The following ACBD6 variants were observed in gnomAD, a reference collection of about 807,000 sequenced individuals.
ACBD6 encodes acyl-CoA binding domain containing 6, also known as acyl-CoA-binding domain-containing protein 6.
ACBD6 carries 28 observed loss-of-function variants against 37.2 expected under a neutral mutation model. The observed-to-expected ratio is 0.75, with a 90% CI of 0.56 to 1.03. The LOEUF (loss-of-function observed/expected upper bound fraction) is 1.03, where lower values mean the gene tolerates loss of function less well. Among genes scored for constraint, ACBD6 ranks in the 50% least tolerant of loss-of-function variants. ACBD6 has a pLI of 0.00. For missense variants in ACBD6, 340 were observed against 337.4 expected, an observed-to-expected ratio of 1.01 and a Z score of -0.06; for synonymous variants, 113 against 126.8, an observed-to-expected ratio of 0.89 and a Z score of 0.73.
At chr1:180,500,418 C>T (rs886465918) in intron 1 of ACBD6, among the ~76,000 whole-genome samples, 1 of 152,048 alleles carries the variant, frequency 6.6e-6, no homozygotes, top group Non-Finnish European at 1.5e-5. Context: ...GTTGGCGGGG[C>T]GTGGTGGCTC....
chr1:180,338,791 G>A (rs1294437044), intron 6 of ACBD6, among the ~76,000 whole-genome samples: 1 of 151,954 alleles, frequency 6.6e-6, no homozygotes, highest in East Asian at 1.9e-4. Context: ...TCTGACAAAG[G>A]GTTAATATCC....
intron 6 of ACBD6, among the ~76,000 whole-genome samples, chr1:180,365,666 G>A (rs1395792478): frequency 2.6e-5 from 4 of 152,068 alleles, no homozygotes; most frequent in Non-Finnish European, 4.4e-5. Context: ...TGCTTTGTAA[G>A]AGCAACACTA....
chr1:180,365,364 T>C (rs1252275918), intron 6 of ACBD6, among the ~76,000 whole-genome samples: 1 of 152,170 alleles, frequency 6.6e-6, no homozygotes, highest in Non-Finnish European at 1.5e-5. Flanking sequence ...TAATTATAAA[T>C]AAATTGTGGA....
In ACBD6 at chr1:180,459,967, CTTTTTTTTTT is replaced by C. The variant is rs67323272; in HGVS notation, c.385-29715_385-29706del. Among the ~76,000 whole-genome samples, 1,036 of 107,980 alleles carry C rather than the reference CTTTTTTTTTT, an allele frequency of 9.6e-3. 13 individuals are homozygous for C. The highest frequency in any genetic ancestry group is 0.031 in the African/African-American group (970 of 30,848). 70.8% of individuals were successfully genotyped at this position (107,980 alleles called of 152,430 possible). On this transcript the variant is annotated intron_variant, in intron 3 of 7. Coordinates refer to ENST00000367595, the MANE Select transcript of ACBD6 (RefSeq NM_032360.4). ...CTACAAAAGCATGACCAGACTGCTT[CTTTTTTTTTT>C]TTTTTTTTTTTTTTTAATTATACTT...
chr1:180,293,074 C>G (rs559111759), intron 7 of ACBD6, among the ~76,000 whole-genome samples: 1 of 152,320 alleles, frequency 6.6e-6, no homozygotes, highest in South Asian at 2.1e-4. Flanking sequence ...GATAAACACA[C>G]TTGCACAAAA....
At chr1:180,501,404 A>G (rs1273259939) in intron 1 of ACBD6, among the ~76,000 whole-genome samples, 2 of 152,242 alleles carry the variant, frequency 1.3e-5, no homozygotes, top group African/African-American at 4.8e-5. Context: ...GCTGGAGTGC[A>G]ATGGCGCACA....
At chr1:180,484,712 G>A (rs570871729) in intron 3 of ACBD6, among the ~76,000 whole-genome samples, 1 of 152,216 alleles carries the variant, frequency 6.6e-6, no homozygotes, top group East Asian at 1.9e-4. Flanking sequence ...TATTCAACAT[G>A]TGTATCTACG....
chr1:180,298,794 G>C (rs1438241373), intron 7 of ACBD6, among the ~76,000 whole-genome samples: 2 of 152,188 alleles, frequency 1.3e-5, no homozygotes, highest in African/African-American at 4.8e-5. Context: ...ATGCCTGGGA[G>C]TTATGCAAAG....
intron 6 of ACBD6, among the ~76,000 whole-genome samples, chr1:180,382,053 T>C (rs1653674208): frequency 6.7e-6 from 1 of 149,478 alleles, no homozygotes; most frequent in African/African-American, 2.5e-5. Context: ...AGGCAGAGGT[T>C]GCAGTGAGCC....
intron 3 of ACBD6, chr1:180,434,861 G>T (rs141931986): frequency 1.6e-4 from 123 of 754,778 alleles, no homozygotes; most frequent in South Asian, 3.1e-4. Flanking sequence ...TTCACCAAGG[G>T]TTATGGATTT....
intron 4 of ACBD6, among the ~76,000 whole-genome samples, chr1:180,418,102 T>C (rs1261160132): frequency 2.0e-5 from 3 of 151,994 alleles, no homozygotes; most frequent in Non-Finnish European, 4.4e-5. Flanking sequence ...AATATAATTT[T>C]TATATAATCT....
intron 7 of ACBD6, among the ~76,000 whole-genome samples, chr1:180,289,573 T>C (rs1649621541): frequency 6.6e-6 from 1 of 152,200 alleles, no homozygotes; most frequent in Non-Finnish European, 1.5e-5. Context: ...CCCTCCAACC[T>C]AGTAATTCTA....
In ACBD6 at chr1:180,300,094, C is replaced by T. The variant is rs1292952323; in HGVS notation, c.695-11577G>A. ...GCTTAAGGATGGAGTTTGACAACTG[C>T]TATAATCAGAAGAGCTGTCAACACA... On this transcript the variant is annotated intron_variant, in intron 7 of 7. Transcript: ENST00000367595. Among the ~76,000 whole-genome samples the T allele has an allele frequency of 2.6e-5, 4 of 152,194 alleles. No homozygotes were observed. The East Asian group carries it at 7.7e-4, about 29-fold the overall frequency.
At chr1:180,339,058 C>G (rs535872742) in intron 6 of ACBD6, among the ~76,000 whole-genome samples, 8 of 152,100 alleles carry the variant, frequency 5.3e-5, no homozygotes, top group African/African-American at 1.9e-4. Flanking sequence ...TGTGGAGAAA[C>G]AGGAACACTT....
chr1:180,319,470 C>T (rs572021685), intron 6 of ACBD6, among the ~76,000 whole-genome samples: 1 of 152,182 alleles, frequency 6.6e-6, no homozygotes, highest in Non-Finnish European at 1.5e-5. Context: ...GTATCCATCC[C>T]CTCAAGCATT....
chr1:180,370,588 C>G (rs1653225154), intron 6 of ACBD6, among the ~76,000 whole-genome samples: 1 of 152,010 alleles, frequency 6.6e-6, no homozygotes, highest in South Asian at 2.1e-4. Context: ...TATTTTTGTA[C>G]AAATATACAT....
At chr1:180,292,354 G>T (rs1217058570) in intron 7 of ACBD6, among the ~76,000 whole-genome samples, 1 of 151,954 alleles carries the variant, frequency 6.6e-6, no homozygotes, top group Non-Finnish European at 1.5e-5. Context: ...TAATATTTAG[G>T]AATTATACAC....
chr1:180,485,409 T>C (rs1328723667), intron 3 of ACBD6, among the ~76,000 whole-genome samples: 2 of 151,916 alleles, frequency 1.3e-5, no homozygotes, highest in African/African-American at 4.8e-5. Flanking sequence ...TAAAATGAGG[T>C]CATACTGGAT....
chr1:180,402,016 C>G (rs1319079412), intron 5 of ACBD6, among the ~76,000 whole-genome samples: 2 of 152,064 alleles, frequency 1.3e-5, no homozygotes, highest in African/African-American at 4.8e-5. Flanking sequence ...GTCTAATTAG[C>G]AAATGAAATA....
Sources: allele counts gnomAD v4.1 joint callset (sites outside exome capture counted in the v4.1 genomes callset), GRCh38; gene constraint gnomAD v4.1.1; transcripts MANE v1.5; gene names NCBI Gene and HGNC (gene_info 2026-07-23, HGNC 2026-07-21).